Variants in GALNT13 observed in about 807,000 individuals in gnomAD.
GALNT13 encodes the protein UDP-GalNAc:polypeptide N-acetylgalactosaminyltransferase 13.
In GALNT13, 28 loss-of-function variants were observed where a neutral mutation model predicts 64.2. The ratio of observed to expected loss-of-function variants is 0.44; its 90% confidence interval spans 0.32 to 0.60. The LOEUF (loss-of-function observed/expected upper bound fraction) is 0.60, where lower values mean the gene tolerates loss of function less well. Ranked by LOEUF, GALNT13 falls within the 20% of genes least tolerant of loss-of-function variation. The pLI is 0.05. For missense variants in GALNT13, 577 were observed against 669.8 expected, an observed-to-expected ratio of 0.86 and a Z score of 1.53; for synonymous variants, 214 against 224.6, an observed-to-expected ratio of 0.95 and a Z score of 0.42.
intron 2 of GALNT13, among the ~76,000 whole-genome samples, chr2:153,920,200 T>G (rs775394439): frequency 3.1e-4 from 47 of 151,844 alleles, no homozygotes; most frequent in Non-Finnish European, 5.6e-4. Context: ...CGATTATAGT[T>G]TGGATTGTCT....
chr2:153,257,508 T>C, the GALNT13 span, among the ~76,000 whole-genome samples: 121,924 of 152,000 alleles, frequency 0.8, 50,056 homozygotes, highest in Non-Finnish European at 0.86. Flanking sequence ...AGGTTTCTGA[T>C]TGATAATTCT....
the GALNT13 span, among the ~76,000 whole-genome samples, chr2:153,082,909 A>G: frequency 2.6e-5 from 4 of 151,166 alleles, no homozygotes; most frequent in Non-Finnish European, 5.9e-5. Flanking sequence ...GCTCACTGCA[A>G]CCTCCGCCTC....
the GALNT13 span, among the ~76,000 whole-genome samples, chr2:153,584,478 T>G: frequency 6.6e-6 from 1 of 152,270 alleles, no homozygotes; most frequent in African/African-American, 2.4e-5. Context: ...TTGCAACCAT[T>G]GCTAACATGA....
the GALNT13 span, among the ~76,000 whole-genome samples, chr2:153,605,638 T>C: frequency 6.6e-6 from 1 of 152,140 alleles, no homozygotes; most frequent in Non-Finnish European, 1.5e-5. Context: ...TGTCAGACTT[T>C]ACTTTTACCT....
At chr2:154,275,050 G>A (rs1210357756) in intron 8 of GALNT13, among the ~76,000 whole-genome samples, 1 of 152,072 alleles carries the variant, frequency 6.6e-6, no homozygotes, top group Non-Finnish European at 1.5e-5. Context: ...AAGATCTGTG[G>A]AACTTTGAAC....
rs139150708 is a variant in GALNT13, at chr2:154,131,755, C to T, written c.143-8582C>T. 3.9e-3 allele frequency among the ~76,000 whole-genome samples: 590 copies of T among 152,250 alleles called. 2 individuals carry two copies. Among genetic ancestry groups the T allele is most frequent in the African/African-American group, 0.014 (563 of 41,542 alleles). Reference sequence around the variant, plus strand: ...GAGTTTATTAAGGAATATTGATTCACGTGATCAGAAGGTGAAGTCCCACAA... The same window carrying T: ...GAGTTTATTAAGGAATATTGATTCATGTGATCAGAAGGTGAAGTCCCACAA... On this transcript the variant is annotated intron_variant, in intron 3 of 12. Transcript: ENST00000392825.
intron 3 of GALNT13, among the ~76,000 whole-genome samples, chr2:154,001,171 G>A (rs949841691): frequency 2.6e-5 from 4 of 151,542 alleles, no homozygotes; most frequent in Admixed American, 2.0e-4. Flanking sequence ...TTCTATCTTT[G>A]TGCATCTTTA....
At chr2:154,402,355 C>T (rs928787177) in intron 10 of GALNT13, among the ~76,000 whole-genome samples, 8 of 152,040 alleles carry the variant, frequency 5.3e-5, no homozygotes, top group Admixed American at 5.2e-4. Flanking sequence ...ATAAGTGATA[C>T]GAACACTACC....
At chr2:153,544,117 C>T in the GALNT13 span, among the ~76,000 whole-genome samples, 5 of 152,164 alleles carry the variant, frequency 3.3e-5, no homozygotes, top group African/African-American at 4.8e-5. Context: ...ATCAGCACAA[C>T]GTACAGAGAA....
chr2:153,891,355 A>T (rs1302180514), intron 1 of GALNT13, among the ~76,000 whole-genome samples: 1 of 151,976 alleles, frequency 6.6e-6, no homozygotes, highest in Non-Finnish European at 1.5e-5. Flanking sequence ...AATGTCTTCC[A>T]TGTGACTTTT....
At chr2:153,601,929 G>A in the GALNT13 span, among the ~76,000 whole-genome samples, 1 of 151,856 alleles carries the variant, frequency 6.6e-6, no homozygotes, top group Non-Finnish European at 1.5e-5. Context: ...ATTTAGCCAT[G>A]GTGAATCGCT....
At chr2:154,044,806 A>AT (rs1383190046) in intron 3 of GALNT13, among the ~76,000 whole-genome samples, 3 of 152,094 alleles carry the variant, frequency 2.0e-5, no homozygotes, top group Admixed American at 6.6e-5. Context: ...TTTAATTTTT[A>AT]TTTTTTTAGA....
At chr2:154,340,704 A>C (rs1466554910) in intron 9 of GALNT13, among the ~76,000 whole-genome samples, 1 of 152,158 alleles carries the variant, frequency 6.6e-6, no homozygotes, top group Admixed American at 6.6e-5. Flanking sequence ...GACAAAAATA[A>C]ATATGTAAAT....
the GALNT13 span, among the ~76,000 whole-genome samples, chr2:153,432,305 TGTTACCACCA>T: frequency 1.3e-5 from 2 of 152,184 alleles, no homozygotes; most frequent in East Asian, 3.9e-4. Flanking sequence ...CCTCAGTTGC[TGTTACCACCA>T]GTGGATTTTT....
chr2:153,503,719 G>A, the GALNT13 span, among the ~76,000 whole-genome samples: 3 of 152,098 alleles, frequency 2.0e-5, no homozygotes, highest in East Asian at 3.9e-4. Flanking sequence ...AGGATTACAG[G>A]TGTGAGCCAC....
At chr2:153,228,641 G>A in the GALNT13 span, among the ~76,000 whole-genome samples, 7 of 152,044 alleles carry the variant, frequency 4.6e-5, no homozygotes, top group South Asian at 4.1e-4. Context: ...TTGGGAGGCC[G>A]AGGCAGGTGG....
At chr2:153,448,014 G>A in the GALNT13 span, among the ~76,000 whole-genome samples, 1 of 152,094 alleles carries the variant, frequency 6.6e-6, no homozygotes, top group Non-Finnish European at 1.5e-5. Context: ...TATCCATTGA[G>A]TTAAATCTAA....
chr2:153,813,608 G>A, the GALNT13 span, among the ~76,000 whole-genome samples: 7 of 151,884 alleles, frequency 4.6e-5, no homozygotes, highest in Non-Finnish European at 7.4e-5. Context: ...GAGGCCATCC[G>A]GTCTGACCTT....
At chr2:153,230,062 T>C in the GALNT13 span, among the ~76,000 whole-genome samples, 2 of 152,222 alleles carry the variant, frequency 1.3e-5, no homozygotes, top group Non-Finnish European at 2.9e-5. Flanking sequence ...AATTAATTCA[T>C]ATGTTGCTCC....
Sources: gnomAD v4.1 joint callset for allele counts (sites outside exome capture counted in the v4.1 genomes callset) on GRCh38, gnomAD v4.1.1 for gene constraint, MANE v1.5 for transcripts, NCBI Gene and HGNC (gene_info 2026-07-23, HGNC 2026-07-21) for gene names.